The following WLS variants were observed in gnomAD, a reference collection of about 807,000 sequenced individuals.
The protein encoded by WLS is Wnt ligand secretion mediator.
A neutral mutation model predicts 62.8 loss-of-function variants in WLS; 23 were observed. That is an observed-to-expected ratio of 0.37 (90% confidence interval 0.26 to 0.52). WLS has a LOEUF of 0.52. WLS is among the 20% of genes least tolerant of loss of function. The pLI is 0.92. For missense variants in WLS, 615 were observed against 697.3 expected (o/e 0.88, Z 1.33); for synonymous variants, 246 against 244.1 (o/e 1.01, Z -0.07).
chr1:68,156,307 C>G (rs17541189), intron 3 of WLS, among the ~76,000 whole-genome samples: 7,161 of 152,208 alleles, frequency 0.047, 228 homozygotes, highest in Non-Finnish European at 0.076. Flanking sequence ...CGTTCCTAAG[C>G]CTGAATTTGC....
At chr1:68,225,060 G>T (rs1264039392) in intron 1 of WLS, among the ~76,000 whole-genome samples, 1 of 151,974 alleles carries the variant, frequency 6.6e-6, no homozygotes, top group Non-Finnish European at 1.5e-5. Context: ...TACTTCTTTG[G>T]GTTGATGTGA....
At position 68,155,054 on chromosome 1, in the gene WLS, A is replaced by G. The variant is rs763210728; in HGVS notation, c.666+45T>C. The G allele has an allele frequency of 4.4e-6, 7 of 1,584,060 alleles. 1 individual carries two copies. The Admixed American group carries it at 6.9e-5, about 16-fold the overall frequency. On this transcript the variant is annotated intron_variant, in intron 4 of 11. Transcript: ENST00000262348. ...CATAGAGGTGCCAAGAGTGAGATGG[A>G]GTTCCCCTCCAATACACATGTCAAG...
downstream of WLS, among the ~76,000 whole-genome samples, chr1:68,125,046 G>A (rs1473698985): frequency 1.3e-5 from 2 of 152,092 alleles, no homozygotes; most frequent in African/African-American, 4.8e-5. Context: ...TCCTTCTCTC[G>A]GCTATCTCCA....
At chr1:68,114,409 G>A (rs1486151246) in intron 11 of WLS, among the ~76,000 whole-genome samples, 1 of 152,088 alleles carries the variant, frequency 6.6e-6, no homozygotes, top group African/African-American at 2.4e-5. Flanking sequence ...TATTCCACAG[G>A]TGTCAAGAAT....
intron 1 of WLS, among the ~76,000 whole-genome samples, chr1:68,212,376 G>A (rs1446411736): frequency 1.3e-5 from 2 of 152,110 alleles, no homozygotes; most frequent in African/African-American, 4.8e-5. Context: ...GCCACCTCCA[G>A]GTTTTATCCC....
chr1:68,184,408 T>C (rs1216421897), intron 2 of WLS, among the ~76,000 whole-genome samples: 2 of 152,334 alleles, frequency 1.3e-5, no homozygotes, highest in African/African-American at 4.8e-5. Context: ...AAAAATGGTA[T>C]ATTTGGGAAA....
intron 2 of WLS, among the ~76,000 whole-genome samples, chr1:68,177,647 C>T (rs914779226): frequency 6.6e-6 from 1 of 152,288 alleles, no homozygotes; most frequent in African/African-American, 2.4e-5. Context: ...GGGCACACCA[C>T]CACATCCTGA....
intron 1 of WLS, among the ~76,000 whole-genome samples, chr1:68,228,016 G>A (rs956292777): frequency 1.3e-5 from 2 of 152,120 alleles, no homozygotes; most frequent in African/African-American, 2.4e-5. Flanking sequence ...TAGCACAATC[G>A]TGTGGGCTAC....
chr1:68,128,986 T>C (rs1001052949), intron 11 of WLS, among the ~76,000 whole-genome samples: 1 of 150,304 alleles, frequency 6.7e-6, no homozygotes, highest in Admixed American at 6.6e-5. Context: ...CCAGTGAGAC[T>C]GCCAGTGAGG....
intron 11 of WLS, chr1:68,117,719 A>G (rs1646310727): frequency 6.6e-6 from 1 of 152,260 alleles, no homozygotes; most frequent in South Asian, 2.1e-4. Flanking sequence ...CAGGACCCTC[A>G]CTGGCAGTCG....
chr1:68,225,928 A>G (rs1300453272), intron 1 of WLS, among the ~76,000 whole-genome samples: 1 of 152,220 alleles, frequency 6.6e-6, no homozygotes, highest in Admixed American at 6.5e-5. Context: ...CAAACATTTG[A>G]TGGTTAACTT....
chr1:68,205,941 C>T (rs761897947), intron 1 of WLS, among the ~76,000 whole-genome samples: 2 of 152,122 alleles, frequency 1.3e-5, no homozygotes, highest in Non-Finnish European at 2.9e-5. Flanking sequence ...TGAAAATCTT[C>T]TTGGTGTTGA....
intron 11 of WLS, among the ~76,000 whole-genome samples, chr1:68,129,687 C>T (rs1646490057): frequency 6.6e-6 from 1 of 152,122 alleles, no homozygotes; most frequent in Admixed American, 6.5e-5. Context: ...GAGTGGAGAT[C>T]CCTCCACTTG....
chr1:68,222,805 C>T (rs1285672118), intron 1 of WLS, among the ~76,000 whole-genome samples: 3 of 151,392 alleles, frequency 2.0e-5, no homozygotes, highest in Non-Finnish European at 4.4e-5. Flanking sequence ...ACAATGGATT[C>T]AAGTAGCCAC....
chr1:68,159,312 A>G, intron 2 of WLS, 65 bp from the exon 3 acceptor site: 1 of 1,575,360 alleles, frequency 6.3e-7, no homozygotes. Flanking sequence ...AACAGCTCAA[A>G]AAATTCTTAT....
rs1570835061 is a variant in WLS, at chr1:68,125,672, G to A, written c.*554C>T. On this transcript the variant is annotated 3_prime_UTR_variant, in exon 12 of 12. Transcript: ENST00000262348. ...TTCTCATGAAATTCAGTTATATTATGCCACAAAACAGGGACACTTATCTAT... is the reference window on the plus strand; with the variant it reads ...TTCTCATGAAATTCAGTTATATTATACCACAAAACAGGGACACTTATCTAT... 1.0e-6 allele frequency: 1 copy of A among 985,538 alleles called. No homozygotes were observed. The highest frequency in any genetic ancestry group is 4.7e-5 in the South Asian group (1 of 21,288). The allele number at this position is 985,538 out of a possible 1,614,324, so 61.0% of individuals were successfully genotyped here.
intron 11 of WLS, among the ~76,000 whole-genome samples, chr1:68,128,989 C>T (rs1646477011): frequency 6.6e-6 from 1 of 152,060 alleles, no homozygotes; most frequent in Non-Finnish European, 1.5e-5. Flanking sequence ...GTGAGACTGC[C>T]AGTGAGGTAT....
intron 11 of WLS, chr1:68,117,606 C>T (rs1254541507): frequency 6.6e-6 from 1 of 152,470 alleles, no homozygotes; most frequent in Non-Finnish European, 1.5e-5. Context: ...GCCACTGCCA[C>T]TGACTTCCTC....
chr1:68,222,921 G>A (rs1207603628), intron 1 of WLS, among the ~76,000 whole-genome samples: 1 of 141,678 alleles, frequency 7.1e-6, no homozygotes, highest in African/African-American at 2.6e-5. Context: ...GTGGGGGTGG[G>A]GGTGGGGGGC....
Sources: gnomAD v4.1 joint callset for allele counts (sites outside exome capture counted in the v4.1 genomes callset) on GRCh38, gnomAD v4.1.1 for gene constraint, MANE v1.5 for transcripts, NCBI Gene and HGNC (gene_info 2026-07-23, HGNC 2026-07-21) for gene names.